AGBL1: variants seen among roughly 807,000 people sequenced by gnomAD.
The protein encoded by AGBL1 is AGBL carboxypeptidase 1, also known as cytosolic carboxypeptidase 4.
A neutral mutation model predicts 118.9 loss-of-function variants in AGBL1; 130 were observed. The observed-to-expected ratio is 1.09, with a 90% CI of 0.95 to 1.26. The LOEUF (loss-of-function observed/expected upper bound fraction) is 1.26, where lower values mean the gene tolerates loss of function less well. Among genes scored for constraint, AGBL1 ranks in the 50% most tolerant of loss-of-function variants. The probability of loss-of-function intolerance (pLI) is 0.00; values close to 1 mark genes in which losing one functional copy is unlikely to be tolerated. For missense variants in AGBL1, 1,584 were observed against 1,298.1 expected (o/e 1.22, Z -3.38); for synonymous variants, 555 against 478.9 (o/e 1.16, Z -2.08).
chr15:86,113,984 A>G (rs931898155), intron 1 of AGBL1, among the ~76,000 whole-genome samples: 3 of 152,350 alleles, frequency 2.0e-5, no homozygotes, highest in Non-Finnish European at 4.4e-5. Context: ...GAGCTAAAAA[A>G]CAATTAAGAG....
intron 22 of AGBL1, among the ~76,000 whole-genome samples, chr15:86,801,313 C>T: frequency 8.5e-6 from 1 of 117,186 alleles, no homozygotes; most frequent in Middle Eastern, 4.8e-3. Context: ...ATGATTACAT[C>T]TATCTATCTA....
intron 18 of AGBL1, among the ~76,000 whole-genome samples, chr15:86,400,905 C>T (rs771285185): frequency 2.6e-4 from 40 of 152,110 alleles, no homozygotes; most frequent in African/African-American, 8.9e-4. Flanking sequence ...TCTGCAATTG[C>T]GAATTGTGCT....
At chr15:86,355,921 T>C (rs1265256918) in intron 17 of AGBL1, among the ~76,000 whole-genome samples, 1 of 152,176 alleles carries the variant, frequency 6.6e-6, no homozygotes, top group East Asian at 1.9e-4. Context: ...AACATCCTGA[T>C]TATAAGAATT....
chr15:86,802,127 T>C (rs548464287), intron 22 of AGBL1, among the ~76,000 whole-genome samples: 1 of 152,280 alleles, frequency 6.6e-6, no homozygotes, highest in Admixed American at 6.5e-5. Context: ...AGTTTATGAG[T>C]CTCACTGAAT....
At chr15:86,841,618 G>C (rs1276702975) in intron 22 of AGBL1, among the ~76,000 whole-genome samples, 2 of 152,114 alleles carry the variant, frequency 1.3e-5, no homozygotes, top group East Asian at 3.9e-4. Context: ...GGCCGAGGTG[G>C]GTGAATCATC....
chr15:86,859,176 A>G (rs1227387901), intron 22 of AGBL1, among the ~76,000 whole-genome samples: 2 of 152,034 alleles, frequency 1.3e-5, no homozygotes, highest in Non-Finnish European at 2.9e-5. Flanking sequence ...GAACTAATAT[A>G]TGAGTCTAGC....
At position 86,417,531 on chromosome 15, in the gene AGBL1, G is replaced by T. The variant is rs112454518; in HGVS notation, c.2555+19985G>T. Reference sequence around the variant, plus strand: ...TGAACAGAGCAAGCTGTTTACAGTAGAGAGGTGGAAACAGACAATTCAAAA... The same window carrying T: ...TGAACAGAGCAAGCTGTTTACAGTATAGAGGTGGAAACAGACAATTCAAAA... On this transcript the variant is annotated intron_variant, in intron 18 of 22. Coordinates refer to ENST00000614907, the MANE Select transcript of AGBL1 (RefSeq NM_001386094.1). Among the ~76,000 whole-genome samples the T allele has an allele frequency of 1.7e-3, 259 of 152,362 alleles. 2 individuals are homozygous for T. Among genetic ancestry groups the T allele is most frequent in the African/African-American group, 6.1e-3 (253 of 41,588 alleles).
chr15:86,497,284 A>T (rs4597280), intron 18 of AGBL1, among the ~76,000 whole-genome samples: 64,890 of 151,800 alleles, frequency 0.43, 15,197 homozygotes, highest in East Asian at 0.68. Flanking sequence ...ATTTACAAGA[A>T]TTCTAAACCT....
At chr15:87,028,781 C>T (rs370171062) in intron 24 of AGBL1, 52 of 1,579,500 alleles carry the variant, frequency 3.3e-5, no homozygotes, top group Admixed American at 1.5e-4. Context: ...AGAAGTTACA[C>T]GGCTTCAAGC....
intron 23 of AGBL1, among the ~76,000 whole-genome samples, chr15:86,961,669 G>A (rs1020551738): frequency 6.6e-6 from 1 of 151,992 alleles, no homozygotes; most frequent in Non-Finnish European, 1.5e-5. Context: ...TCAGGACCTC[G>A]ATCCTCTGTA....
At chr15:86,953,795 C>T (rs866573161) in intron 23 of AGBL1, among the ~76,000 whole-genome samples, 2 of 152,074 alleles carry the variant, frequency 1.3e-5, no homozygotes, top group South Asian at 4.2e-4. Context: ...TTACCGAAGT[C>T]GTTTATTAGT....
intron 19 of AGBL1, among the ~76,000 whole-genome samples, chr15:86,540,708 AG>A (rs1160619518): frequency 2.0e-5 from 3 of 152,228 alleles, no homozygotes; most frequent in Admixed American, 6.5e-5. Context: ...GAAAAGAAAA[AG>A]CTTCCTTAAC....
At position 86,356,403 on chromosome 15, in the gene AGBL1, G is replaced by GA. The variant is rs549474105; in HGVS notation, c.2375-40955dup. On this transcript the variant is annotated intron_variant, in intron 17 of 22. Coordinates refer to ENST00000614907, the MANE Select transcript of AGBL1 (RefSeq NM_001386094.1). ...GCATGTGTCAGAGAATAGGGAAAAT[G>GA]AAAAAAAATAGCTAAGGGAGTTAAA... Among the ~76,000 whole-genome samples the GA allele has an allele frequency of 6.7e-4, 101 of 151,678 alleles. No individual in the cohort carries two copies. The South Asian group carries it at 0.015, about 23-fold the overall frequency.
At chr15:86,300,493 A>G (rs1352178704) in intron 17 of AGBL1, among the ~76,000 whole-genome samples, 2 of 152,172 alleles carry the variant, frequency 1.3e-5, no homozygotes, top group Non-Finnish European at 2.9e-5. Flanking sequence ...AGAAACCCTC[A>G]TTCTCTAAAT....
At chr15:86,794,591 G>A (rs1333116486) in intron 22 of AGBL1, among the ~76,000 whole-genome samples, 1 of 152,080 alleles carries the variant, frequency 6.6e-6, no homozygotes, top group East Asian at 1.9e-4. Flanking sequence ...ACTTTACAAT[G>A]ATTAAAGTGG....
At chr15:86,184,544 G>C (rs4477665) in intron 5 of AGBL1, among the ~76,000 whole-genome samples, 254 of 151,692 alleles carry the variant, frequency 1.7e-3, no homozygotes, top group African/African-American at 6.0e-3. Context: ...AGTTCTCCTG[G>C]ATAACATCCT....
chr15:86,365,328 G>A (rs995653659), intron 17 of AGBL1, among the ~76,000 whole-genome samples: 10 of 152,090 alleles, frequency 6.6e-5, no homozygotes, highest in African/African-American at 1.9e-4. Context: ...CTACAGAGAA[G>A]TTCATCTGGA....
At chr15:86,505,967 C>T (rs563025049) in intron 18 of AGBL1, among the ~76,000 whole-genome samples, 35 of 152,058 alleles carry the variant, frequency 2.3e-4, no homozygotes, top group Middle Eastern at 3.4e-3. Context: ...TGAAGTAATC[C>T]GTAAAGTCTA....
chr15:86,379,618 G>C (rs1000840576), intron 17 of AGBL1, among the ~76,000 whole-genome samples: 1 of 152,062 alleles, frequency 6.6e-6, no homozygotes, highest in African/African-American at 2.4e-5. Context: ...ATTTAATTTT[G>C]ACAACAACCC....
Sources: gnomAD v4.1 joint callset for allele counts (sites outside exome capture counted in the v4.1 genomes callset) on GRCh38, gnomAD v4.1.1 for gene constraint, MANE v1.5 for transcripts, NCBI Gene and HGNC (gene_info 2026-07-23, HGNC 2026-07-21) for gene names.